Variants in NDRG1 observed in about 807,000 individuals in gnomAD.
The protein encoded by NDRG1 is protein NDRG1.
Under a neutral mutation model 56.9 loss-of-function variants are expected in NDRG1, and 32 were observed. The ratio of observed to expected loss-of-function variants is 0.56; its 90% CI spans 0.42 to 0.76. NDRG1 has a LOEUF of 0.76. Ranked by LOEUF, NDRG1 falls within the 30% of genes least tolerant of loss-of-function variation. NDRG1 has a pLI of 0.00. For synonymous variants in NDRG1, 211 were observed against 204.1 expected (o/e 1.03, Z -0.29); for missense variants, 507 against 545.7 (o/e 0.93, Z 0.71).
chr8:133,284,182 G>A lies in NDRG1; in HGVS notation c.63+67C>T, dbSNP rs548125283. On this transcript the variant is annotated intron_variant, in intron 2 of 15. Coordinates refer to ENST00000323851, the MANE Select transcript of NDRG1 (RefSeq NM_006096.4). Reference sequence around the variant, plus strand: ...GCCCATAAGTACAAGTGTGAGCTCCGGTGTGCCTGTGTGTGTCTATGTGCA... The same window carrying A: ...GCCCATAAGTACAAGTGTGAGCTCCAGTGTGCCTGTGTGTGTCTATGTGCA... 6.4e-5 allele frequency: 93 copies of A among 1,455,370 alleles called. No homozygotes were observed. The East Asian group carries it at 1.5e-3, about 24-fold the overall frequency. The allele number at this position is 1,455,370 out of a possible 1,614,324, so 90.2% of individuals were successfully genotyped here.
chr8:133,258,613 C>T (rs996833407), intron 6 of NDRG1, among the ~76,000 whole-genome samples, 187 bp from the exon 7 acceptor site: 9 of 152,186 alleles, frequency 5.9e-5, no homozygotes, highest in Admixed American at 2.0e-4. Flanking sequence ...CTTGGAGAGC[C>T]GCGCCCCTTC....
Position 133,247,910 on chromosome 8 carries a change from C to T in NDRG1, c.772G>A (p.Val258Met). 1.2e-6 allele frequency: 2 copies of T among 1,614,124 alleles called. No individual in the cohort carries two copies. The highest frequency in any genetic ancestry group is 1.7e-6 in the Non-Finnish European group (2 of 1,180,030). Residue 258 changes from valine (V) to methionine (M), a missense_variant, in exon 12 of 16, where the codon GTG (valine) becomes ATG (methionine). Transcript: ENST00000323851. ...ACTGCAGGCGAGCTGTCCCCAACCA[C>T]CAACAGAGCAGGGCACCTGGGGTCA... ...TVTLQCPALL[V>M]VGDSSPAVDA...
chr8:133,254,778 C>A (rs1326849085), intron 8 of NDRG1, 183 bp from the exon 9 acceptor site: 5 of 655,442 alleles, frequency 7.6e-6, no homozygotes, highest in Non-Finnish European at 1.4e-5. Flanking sequence ...TGGACCTGAT[C>A]CCCCAAATGC....
At chr8:133,260,491 C>A (rs972784982) in intron 5 of NDRG1, among the ~76,000 whole-genome samples, 4 of 152,168 alleles carry the variant, frequency 2.6e-5, no homozygotes, top group Admixed American at 6.5e-5. Flanking sequence ...CCCAGACCAA[C>A]GGAATAAAAA....
In NDRG1 at chr8:133,263,912, T is replaced by C. The variant is rs1856777349; in HGVS notation, c.205+635A>G. ...GCCTGGGCAACAGAGCGAGATTCTG[T>C]CTCAGAAAAAAAAAAAAAAAGAAAG... On this transcript the variant is annotated intron_variant, in intron 4 of 15. Coordinates refer to ENST00000323851, the MANE Select transcript of NDRG1 (RefSeq NM_006096.4). 4.4e-5 allele frequency among the ~76,000 whole-genome samples: 5 copies of C among 113,544 alleles called. No individual in the cohort carries two copies. In the Admixed American group the frequency reaches 4.9e-4, roughly 11 times the overall value. The allele number at this position is 113,544 out of a possible 152,430, so 74.5% of individuals were successfully genotyped here. A position where few individuals can be genotyped will look rare whatever the true frequency, so the allele number is the denominator to read the frequency against.
At chr8:133,243,827 T>C (rs1280308883) in intron 14 of NDRG1, among the ~76,000 whole-genome samples, 2 of 152,216 alleles carry the variant, frequency 1.3e-5, no homozygotes, top group African/African-American at 4.8e-5. Flanking sequence ...TGAGATTCTT[T>C]ATAGGAGGGG....
At chr8:133,281,752 G>A (rs1387166224) in intron 2 of NDRG1, among the ~76,000 whole-genome samples, 1 of 152,170 alleles carries the variant, frequency 6.6e-6, no homozygotes, top group African/African-American at 2.4e-5. Context: ...GATTCAAATA[G>A]CCCCACATCC....
At chr8:133,258,225 CCACACA>C (rs139790285) in intron 7 of NDRG1, 135 bp downstream of exon 7, 13 of 758,738 alleles carry the variant, frequency 1.7e-5, no homozygotes, top group Non-Finnish European at 2.2e-5. Flanking sequence ...TACCCATGCA[CCACACA>C]CACACACACA....
intron 10 of NDRG1, chr8:133,249,207 A>T (rs1855871043): frequency 1.1e-5 from 3 of 269,942 alleles, no homozygotes; most frequent in East Asian, 9.3e-5. Context: ...TCTCTTTAAA[A>T]CTCAGGCCTC....
At chr8:133,278,680 T>C (rs185299609) in intron 3 of NDRG1, among the ~76,000 whole-genome samples, 1 of 152,142 alleles carries the variant, frequency 6.6e-6, no homozygotes, top group East Asian at 1.9e-4. Flanking sequence ...TCATGAGATA[T>C]TGAGGCATTA....
intron 1 of NDRG1, 124 bp from the exon 2 acceptor site, chr8:133,284,453 G>A (rs766122552): frequency 1.1e-4 from 87 of 790,478 alleles, no homozygotes; most frequent in East Asian, 3.1e-4. Context: ...CACCTCCCTC[G>A]TGATGCACTG....
At chr8:133,259,030 G>A (rs1310267653) in intron 6 of NDRG1, 138 bp downstream of exon 6, 1 of 845,730 alleles carries the variant, frequency 1.2e-6, no homozygotes, top group Non-Finnish European at 2.1e-6. Context: ...TTCACAGAGT[G>A]ACGAGCTAAT....
In NDRG1 at chr8:133,265,356, G is replaced by T. The variant is rs141512218; in HGVS notation, c.100-704C>A. ...GATCTGTAGCAGCCACATTGTCACC[G>T]TGAGGCAAGGGCCTGCCTGAAAGTA... On this transcript the variant is annotated intron_variant, in intron 3 of 15. Transcript: ENST00000323851. Among the ~76,000 whole-genome samples, 469 of 152,288 alleles carry T rather than the reference G, an allele frequency of 3.1e-3. 4 individuals carry two copies. The highest frequency in any genetic ancestry group is 0.011 in the African/African-American group (452 of 41,542).
At chr8:133,264,414 TC>T in intron 4 of NDRG1, 132 bp downstream of exon 4, 1 of 809,644 alleles carries the variant, frequency 1.2e-6, no homozygotes, top group Admixed American at 2.0e-5. Context: ...CAAGAGTTCT[TC>T]CCAGAACAGC....
chr8:133,290,556 C>T (rs899518407), intron 1 of NDRG1, among the ~76,000 whole-genome samples: 3 of 152,156 alleles, frequency 2.0e-5, no homozygotes, highest in Admixed American at 2.0e-4. Flanking sequence ...AATGATCTCA[C>T]ATTGCCCTAA....
chr8:133,246,020 C>A (rs1855656112), intron 13 of NDRG1, among the ~76,000 whole-genome samples: 1 of 152,234 alleles, frequency 6.6e-6, no homozygotes. Context: ...CACCCAGGTC[C>A]CGCCTGGTCA....
chr8:133,257,003 C>T, intron 7 of NDRG1, 140 bp from the exon 8 acceptor site: 1 of 783,440 alleles, frequency 1.3e-6, no homozygotes, highest in Non-Finnish European at 2.2e-6. Context: ...TCCCCGGCCC[C>T]ACCCCATGCA....
intron 1 of NDRG1, among the ~76,000 whole-genome samples, chr8:133,294,983 C>G (rs1858663559): frequency 6.6e-6 from 1 of 152,192 alleles, no homozygotes; most frequent in African/African-American, 2.4e-5. Context: ...CATCCCTCCC[C>G]ATCCCTGTGC....
At chr8:133,242,766 T>TA (rs754212283) in intron 14 of NDRG1, among the ~76,000 whole-genome samples, 21 of 141,786 alleles carry the variant, frequency 1.5e-4, no homozygotes, top group Non-Finnish European at 2.9e-4. Flanking sequence ...AAAGATGGAT[T>TA]AAAAAAAGAA....
Sources: gnomAD v4.1 joint callset for allele counts (sites outside exome capture counted in the v4.1 genomes callset) on GRCh38, gnomAD v4.1.1 for gene constraint, MANE v1.5 for transcripts, NCBI Gene and HGNC (gene_info 2026-07-23, HGNC 2026-07-21) for gene names.